The following NAV2 variants were observed in gnomAD, a reference collection of about 807,000 sequenced individuals.
The protein encoded by NAV2 is neuron navigator 2, also known as helicase, APC down-regulated 1.
In NAV2, 54 loss-of-function variants were observed where a neutral mutation model predicts 223.2. That is an observed-to-expected ratio of 0.24 (90% confidence interval 0.19 to 0.30). The LOEUF (loss-of-function observed/expected upper bound fraction) is 0.30. Ranked by LOEUF, NAV2 falls within the 10% of genes least tolerant of loss-of-function variation. The pLI is 1.00. For synonymous variants in NAV2, 1,279 were observed against 1,239.3 expected, an observed-to-expected ratio of 1.03 and a Z score of -0.67; for missense variants, 2,806 against 3,147.5, an observed-to-expected ratio of 0.89 and a Z score of 2.60.
intron 1 of NAV2, among the ~76,000 whole-genome samples, chr11:19,355,964 G>A (rs1322706950): frequency 6.6e-6 from 1 of 152,184 alleles, no homozygotes; most frequent in Non-Finnish European, 1.5e-5. Context: ...TGAGGATGAG[G>A]CTTCAGCCCC....
At chr11:19,962,957 C>T (rs555486784) in intron 10 of NAV2, among the ~76,000 whole-genome samples, 2 of 152,240 alleles carry the variant, frequency 1.3e-5, no homozygotes, top group South Asian at 2.1e-4. Flanking sequence ...TCATCTGTTT[C>T]GAAATTAGAA....
intron 22 of NAV2, among the ~76,000 whole-genome samples, chr11:20,072,409 C>T (rs1859862369): frequency 6.6e-6 from 1 of 151,852 alleles, no homozygotes; most frequent in South Asian, 2.1e-4. Flanking sequence ...ATTGTCTTGG[C>T]TAGGCAGACT....
chr11:19,899,635 G>GGAAT (rs2042279771), intron 6 of NAV2, among the ~76,000 whole-genome samples: 1 of 152,200 alleles, frequency 6.6e-6, no homozygotes, highest in Non-Finnish European at 1.5e-5. Flanking sequence ...GTCTCAGAGA[G>GGAAT]GAATGATGCT....
intron 1 of NAV2, among the ~76,000 whole-genome samples, chr11:19,721,759 C>CCATT (rs975338010): frequency 2.0e-5 from 3 of 152,166 alleles, no homozygotes; most frequent in African/African-American, 7.2e-5. Flanking sequence ...ATTATTCTAT[C>CCATT]CATTTCAATG....
At chr11:19,607,053 G>A (rs2046493078) in intron 1 of NAV2, among the ~76,000 whole-genome samples, 1 of 152,240 alleles carries the variant, frequency 6.6e-6, no homozygotes, top group Admixed American at 6.5e-5. Context: ...AGAAGGGTCT[G>A]CTTACAGCTG....
chr11:19,489,821 G>A (rs1225215948), intron 1 of NAV2, among the ~76,000 whole-genome samples: 1 of 152,188 alleles, frequency 6.6e-6, no homozygotes, highest in African/African-American at 2.4e-5. Context: ...CTCCATGAGA[G>A]GAACACTGTC....
intron 22 of NAV2, among the ~76,000 whole-genome samples, chr11:20,074,106 G>A (rs946368727): frequency 1.3e-5 from 2 of 152,204 alleles, no homozygotes; most frequent in African/African-American, 2.4e-5. Context: ...TGCTTTAAAT[G>A]TGTCCCAGAT....
intron 1 of NAV2, among the ~76,000 whole-genome samples, chr11:19,352,138 T>C (rs927263302): frequency 1.3e-5 from 2 of 152,192 alleles, no homozygotes; most frequent in Non-Finnish European, 1.5e-5. Flanking sequence ...CGCTATAATT[T>C]GGGAAGAATG....
chr11:19,900,691 G>C (rs943368322), intron 6 of NAV2, among the ~76,000 whole-genome samples: 20 of 152,178 alleles, frequency 1.3e-4, no homozygotes, highest in African/African-American at 4.6e-4. Flanking sequence ...ATAGAACTCA[G>C]AGAAGCTCAA....
chr11:19,558,702 C>G (rs768427556), intron 1 of NAV2, among the ~76,000 whole-genome samples: 1 of 152,170 alleles, frequency 6.6e-6, no homozygotes, highest in Admixed American at 6.5e-5. Flanking sequence ...GCAACATTCA[C>G]TTAACCCAAA....
At chr11:19,914,738 G>A (rs2043646618) in intron 6 of NAV2, among the ~76,000 whole-genome samples, 1 of 151,792 alleles carries the variant, frequency 6.6e-6, no homozygotes, top group Admixed American at 6.6e-5. Context: ...TAGAGACGGG[G>A]TTTCACCTTG....
intron 1 of NAV2, among the ~76,000 whole-genome samples, chr11:19,617,870 A>G (rs1439806860): frequency 6.6e-6 from 1 of 152,108 alleles, no homozygotes; most frequent in East Asian, 1.9e-4. Context: ...TCCAGTCACA[A>G]TGGCACACAC....
At chr11:20,089,966 T>C (rs1053076882) in intron 26 of NAV2, among the ~76,000 whole-genome samples, 3 of 152,206 alleles carry the variant, frequency 2.0e-5, no homozygotes, top group Admixed American at 6.5e-5. Context: ...GATACAACTT[T>C]GGCTTGCCTG....
At chr11:19,750,100 C>T (rs1009508906) in intron 1 of NAV2, among the ~76,000 whole-genome samples, 9 of 152,204 alleles carry the variant, frequency 5.9e-5, no homozygotes, top group African/African-American at 1.4e-4. Context: ...ATTTCTCTAA[C>T]GAACCTCTTC....
At chr11:19,525,681 G>T (rs2043818303) in intron 1 of NAV2, among the ~76,000 whole-genome samples, 1 of 152,202 alleles carries the variant, frequency 6.6e-6, no homozygotes, top group African/African-American at 2.4e-5. Flanking sequence ...GGATAGTCTT[G>T]TTCCCACAGA....
At chr11:20,086,285 C>CT (rs2060441673) in intron 26 of NAV2, among the ~76,000 whole-genome samples, 1 of 152,212 alleles carries the variant, frequency 6.6e-6, no homozygotes, top group Non-Finnish European at 1.5e-5. Context: ...CTCTTAGCCA[C>CT]TCTGGCCCAC....
chr11:19,957,244 G>T (rs527632550), intron 10 of NAV2, among the ~76,000 whole-genome samples: 1 of 152,226 alleles, frequency 6.6e-6, no homozygotes, highest in East Asian at 1.9e-4. Flanking sequence ...GTGCCTCTCT[G>T]CTTCCCTCAG....
intron 1 of NAV2, among the ~76,000 whole-genome samples, chr11:19,780,053 G>A (rs1158811480): frequency 6.6e-6 from 1 of 152,188 alleles, no homozygotes; most frequent in Non-Finnish European, 1.5e-5. Context: ...AGAATTAAAG[G>A]TCTTGCTTCA....
intron 11 of NAV2, among the ~76,000 whole-genome samples, chr11:20,009,104 T>C (rs1368471440): frequency 6.6e-6 from 1 of 152,142 alleles, no homozygotes; most frequent in Non-Finnish European, 1.5e-5. Context: ...AATTTGGAAT[T>C]CCTGGTCTGT....
Sources: gnomAD v4.1 joint callset for allele counts (sites outside exome capture counted in the v4.1 genomes callset) on GRCh38, gnomAD v4.1.1 for gene constraint, MANE v1.5 for transcripts, NCBI Gene and HGNC (gene_info 2026-07-23, HGNC 2026-07-21) for gene names.